LEO1: variants seen among roughly 807,000 people sequenced by gnomAD.
LEO1 encodes the protein LEO1 component of Paf1/RNA polymerase II complex, also known as RNA polymerase-associated protein LEO1.
LEO1 carries 34 observed loss-of-function variants against 80.4 expected under a neutral mutation model. That is an observed-to-expected ratio of 0.42 (90% CI 0.32 to 0.56). The LOEUF is 0.56. LEO1 is among the 20% of genes least tolerant of loss of function. The pLI is 0.10. For missense variants in LEO1, 631 were observed against 814.2 expected, an observed-to-expected ratio of 0.77 and a Z score of 2.74; for synonymous variants, 262 against 274.9, an observed-to-expected ratio of 0.95 and a Z score of 0.46.
At chr15:51,963,753 T>G (rs1022080536) in intron 2 of LEO1, among the ~76,000 whole-genome samples, 3 of 151,696 alleles carry the variant, frequency 2.0e-5, no homozygotes, top group African/African-American at 7.3e-5. Flanking sequence ...AATACAAAAA[T>G]TAGCTGGGTT....
chr15:51,965,636 AG>A, intron 2 of LEO1, 112 bp downstream of exon 2: 1 of 1,384,274 alleles, frequency 7.2e-7, no homozygotes, highest in Non-Finnish European at 9.7e-7. Flanking sequence ...TTTGAAAGGG[AG>A]GGGACAGAAG....
chr15:51,942,212 T>C (rs567710486), intron 11 of LEO1, among the ~76,000 whole-genome samples: 2 of 151,924 alleles, frequency 1.3e-5, no homozygotes, highest in East Asian at 3.9e-4. Flanking sequence ...ATGGCAGGGG[T>C]TGAGAGGTCC....
chr15:51,961,617 C>T (rs770139793), intron 3 of LEO1, among the ~76,000 whole-genome samples: 6 of 151,730 alleles, frequency 4.0e-5, no homozygotes, highest in Non-Finnish European at 8.8e-5. Context: ...TGGTCTTGAA[C>T]TCCTGGCCTC....
At chr15:51,961,811 G>A (rs568213223) in intron 3 of LEO1, among the ~76,000 whole-genome samples, 1 of 151,838 alleles carries the variant, frequency 6.6e-6, no homozygotes, top group East Asian at 1.9e-4. Flanking sequence ...AGTGAAGAAT[G>A]GACATTGTAA....
intron 11 of LEO1, among the ~76,000 whole-genome samples, chr15:51,945,500 C>T (rs1395853063): frequency 6.6e-6 from 1 of 152,100 alleles, no homozygotes; most frequent in Non-Finnish European, 1.5e-5. Context: ...TCAAAGATCA[C>T]CATTCCAGTG....
chr15:51,943,991 C>T (rs1254677288), intron 11 of LEO1, among the ~76,000 whole-genome samples: 1 of 152,110 alleles, frequency 6.6e-6, no homozygotes, highest in Non-Finnish European at 1.5e-5. Flanking sequence ...AACACACCAA[C>T]ATACACCTAA....
Position 51,959,992 on chromosome 15 carries a change from G to A in LEO1, c.1067C>T (p.Thr356Ile). The change falls in exon 5 of 12, where the codon ACC (threonine) becomes ATC (isoleucine). Residue 356 changes from threonine (T) to isoleucine (I), a missense_variant. Around this residue, in one of 4 missense-constraint regions of LEO1, gnomAD observed 95 missense variants for 171.7 expected, o/e 0.55. Transcript: ENST00000299601. ...TTTGGGTATTTCTACTTCTATTCTG[G>A]TCTCAGGAATTGGCTCCTCTTCCTG... ...DQQEEEPIPE[T>I]RIEVEIPKVN... 1 of 1,613,068 alleles carries A rather than the reference G, an allele frequency of 6.2e-7. No individual in the cohort carries two copies.
At chr15:51,959,806 T>C (rs2057016245) in intron 5 of LEO1, 93 bp downstream of exon 5, 2 of 1,222,968 alleles carry the variant, frequency 1.6e-6, no homozygotes, top group Non-Finnish European at 1.1e-6. Context: ...TTTTCCGTTT[T>C]TGTGATTTGT....
At chr15:51,960,586 C>G in intron 4 of LEO1, 53 bp downstream of exon 4, 6 of 1,003,452 alleles carry the variant, frequency 6.0e-6, no homozygotes, top group Non-Finnish European at 9.6e-6. Context: ...GACTCTTCAC[C>G]TTTGAAACTT....
At chr15:51,958,525 T>C (rs951099252) in intron 6 of LEO1, among the ~76,000 whole-genome samples, 6 of 152,162 alleles carry the variant, frequency 3.9e-5, no homozygotes, top group African/African-American at 1.4e-4. Context: ...CCTCCTTTGA[T>C]AGCGTGACCA....
chr15:51,960,606 C>G, intron 4 of LEO1, 33 bp downstream of exon 4: 1 of 1,208,396 alleles, frequency 8.3e-7, no homozygotes, highest in East Asian at 2.3e-5. Flanking sequence ...TTATGCCTGG[C>G]CTTGAATAAG....
chr15:51,951,996 G>A lies in LEO1; in HGVS notation c.1476-17C>T, dbSNP rs772750569. On this transcript the variant is annotated splice_polypyrimidine_tract_variant and intron_variant, in intron 8 of 11. Transcript: ENST00000299601. ...GAGTGAGGTCTGCCAGGAAATAAAC[G>A]AAGAGCATATCACTGTTTACCAAAT... 1.2e-5 allele frequency: 20 copies of A among 1,608,886 alleles called. No homozygotes were observed. The Middle Eastern group carries it at 4.9e-4, about 40-fold the overall frequency.
chr15:51,971,727 G>C lies in LEO1; in HGVS notation c.19C>G (p.Leu7Val), dbSNP rs1286042127. Residue 7 changes from leucine (L) to valine (V), a missense_variant, in exon 1 of 12, where the codon CTC becomes GTC. This residue lies in a region of LEO1 where 394 missense variants were observed against 395.6 expected (regional missense o/e 1.00). Coordinates refer to ENST00000299601, the MANE Select transcript of LEO1 (RefSeq NM_138792.4). ...TCGCTGTCGGCGTCGCTCCCGAAGAGATCCTCCATATCCGCCATTATCGCT... is the reference window on the plus strand; with the variant it reads ...TCGCTGTCGGCGTCGCTCCCGAAGACATCCTCCATATCCGCCATTATCGCT... MADMED[L>V]FGSDADSEAE... 6.2e-7 allele frequency: 1 copy of C among 1,614,194 alleles called. No homozygotes were observed. The highest frequency in any genetic ancestry group is 2.2e-5 in the East Asian group (1 of 44,890).
intron 9 of LEO1, among the ~76,000 whole-genome samples, 182 bp from the exon 10 acceptor site, chr15:51,950,176 CA>C (rs749204390): frequency 4.4e-4 from 67 of 152,264 alleles, no homozygotes; most frequent in Admixed American, 4.6e-4. Context: ...GGAGCAAAGG[CA>C]ACACAAGGGT....
intron 11 of LEO1, among the ~76,000 whole-genome samples, chr15:51,941,723 T>C (rs2056854461): frequency 6.6e-6 from 1 of 152,266 alleles, no homozygotes; most frequent in African/African-American, 2.4e-5. Context: ...AGCTCTCTTT[T>C]ACATTTTTCT....
intron 2 of LEO1, among the ~76,000 whole-genome samples, chr15:51,964,529 C>A (rs754779491): frequency 6.8e-6 from 1 of 147,060 alleles, no homozygotes; most frequent in Non-Finnish European, 1.5e-5. Context: ...TGCACATGTA[C>A]CCTAGAACTT....
chr15:51,946,865 T>TA (rs1055611722), intron 11 of LEO1: 56 of 162,366 alleles, frequency 3.4e-4, no homozygotes, highest in South Asian at 1.4e-3. Context: ...TTTCCTAATT[T>TA]AAAAAAAAAA....
chr15:51,964,872 A>G (rs1301644939), intron 2 of LEO1, among the ~76,000 whole-genome samples: 2 of 152,334 alleles, frequency 1.3e-5, no homozygotes, highest in Non-Finnish European at 2.9e-5. Flanking sequence ...TGTACATTCT[A>G]TATGAAGAAT....
At chr15:51,957,273 C>T (rs1020717728) in intron 6 of LEO1, among the ~76,000 whole-genome samples, 6 of 152,078 alleles carry the variant, frequency 3.9e-5, no homozygotes, top group African/African-American at 9.7e-5. Context: ...TAAGGAACTA[C>T]TATATTAGTT....
Sources: gnomAD v4.1 joint callset for allele counts (sites outside exome capture counted in the v4.1 genomes callset) on GRCh38, gnomAD v4.1.1 for gene constraint, gnomAD v4.1.1 regional missense constraint, MANE v1.5 for transcripts, NCBI Gene and HGNC (gene_info 2026-07-23, HGNC 2026-07-21) for gene names.